The following CAMK1D variants were observed in gnomAD, a reference collection of about 807,000 sequenced individuals.
CAMK1D encodes calcium/calmodulin-dependent protein kinase type 1D.
A neutral mutation model predicts 47.7 loss-of-function variants in CAMK1D; 9 were observed. The ratio of observed to expected loss-of-function variants is 0.19; its 90% CI spans 0.11 to 0.33. CAMK1D has a LOEUF of 0.33. Among genes scored for constraint, CAMK1D ranks in the 10% least tolerant of loss-of-function variants. The pLI, the probability that CAMK1D is intolerant of heterozygous loss-of-function variation, is 1.00. For synonymous variants in CAMK1D, 184 were observed against 184.9 expected (o/e 0.99, Z 0.04); for missense variants, 291 against 488.7 (o/e 0.60, Z 3.81).
At chr10:12,462,220 C>T (rs1474107799) in intron 1 of CAMK1D, among the ~76,000 whole-genome samples, 5 of 124,332 alleles carry the variant, frequency 4.0e-5, no homozygotes, top group Non-Finnish European at 6.2e-5. Flanking sequence ...GGCTGGAGTG[C>T]GGTGGCGTGA....
intron 3 of CAMK1D, among the ~76,000 whole-genome samples, chr10:12,702,503 A>G (rs2399862): frequency 0.8 from 121,119 of 152,256 alleles, 53,985 homozygotes; most frequent in Non-Finnish European, 0.98. Flanking sequence ...TGAACAAACA[A>G]TGATGCAAAA....
At chr10:12,663,499 A>C (rs903911026) in intron 2 of CAMK1D, among the ~76,000 whole-genome samples, 1 of 152,166 alleles carries the variant, frequency 6.6e-6, no homozygotes, top group Non-Finnish European at 1.5e-5. Flanking sequence ...TGGTCCTAGG[A>C]GTCATTACTA....
chr10:12,801,090 A>G (rs1298009356), intron 6 of CAMK1D, among the ~76,000 whole-genome samples: 3 of 152,182 alleles, frequency 2.0e-5, no homozygotes, highest in African/African-American at 7.2e-5. Context: ...TCACTTCAGC[A>G]TCTTTCAGCT....
At chr10:12,446,441 T>A (rs1021575746) in intron 1 of CAMK1D, among the ~76,000 whole-genome samples, 15 of 152,152 alleles carry the variant, frequency 9.9e-5, no homozygotes, top group African/African-American at 3.1e-4. Flanking sequence ...CTCGTCGCCA[T>A]CTTGGTTTTG....
In CAMK1D at chr10:12,508,957, G is replaced by T. The variant is rs532901423; in HGVS notation, c.93-44268G>T. ...CCCCAAATCTTTTCTGCTTCCGTTT[G>T]TCCTGTTCATTGATGGAACCCCGCT... On this transcript the variant is annotated intron_variant, in intron 1 of 10. Transcript: ENST00000619168. Among the ~76,000 whole-genome samples the T allele has an allele frequency of 3.5e-3, 526 of 152,312 alleles. 3 individuals carry two copies. The highest frequency in any genetic ancestry group is 6.4e-3 in the Non-Finnish European group (433 of 68,032).
intron 9 of CAMK1D, 50 bp downstream of exon 9, chr10:12,824,602 C>A: frequency 7.1e-7 from 1 of 1,415,110 alleles, no homozygotes; most frequent in Non-Finnish European, 1.0e-6. Flanking sequence ...CCTCGTGACA[C>A]TGGCCCTCCA....
chr10:12,834,101 G>T lies in CAMK1D; in HGVS notation c.*5214G>T, dbSNP rs1833466195. On this transcript the variant is annotated 3_prime_UTR_variant, in exon 11 of 11. Transcript: ENST00000619168. The stretch of plus-strand genomic sequence containing the variant: ...GCTCAAACAGACTCCTAAAAGGAGG[G>T]TTTCTTTCCTGAAGACTCCAAGAAA... 1 of 152,178 alleles carries T rather than the reference G, an allele frequency of 6.6e-6. No individual in the cohort carries two copies. Among genetic ancestry groups the T allele is most frequent in the African/African-American group, 2.4e-5 (1 of 41,426 alleles). The allele number at this position is 152,178 out of a possible 1,614,324, so 9.4% of individuals were successfully genotyped here. A position where few individuals can be genotyped will look rare whatever the true frequency, so the allele number is the denominator to read the frequency against.
chr10:12,470,552 C>G (rs112957409), intron 1 of CAMK1D, among the ~76,000 whole-genome samples: 4,142 of 151,036 alleles, frequency 0.027, 90 homozygotes, highest in Non-Finnish European at 0.041. Flanking sequence ...GAGTCTCGCT[C>G]TGTCGCCCAG....
chr10:12,390,991 A>T (rs981356794), intron 1 of CAMK1D, among the ~76,000 whole-genome samples: 2 of 152,082 alleles, frequency 1.3e-5, no homozygotes, highest in Admixed American at 6.6e-5. Context: ...TCCAGCATTG[A>T]GTGAGTAGGA....
chr10:12,766,690 C>T (rs572114568), intron 4 of CAMK1D, among the ~76,000 whole-genome samples: 1 of 152,110 alleles, frequency 6.6e-6, no homozygotes, highest in Non-Finnish European at 1.5e-5. Flanking sequence ...TTTCTAGCTC[C>T]TGTATCACCC....
chr10:12,534,600 C>T (rs1835910798), intron 1 of CAMK1D, among the ~76,000 whole-genome samples: 1 of 152,164 alleles, frequency 6.6e-6, no homozygotes, highest in African/African-American at 2.4e-5. Context: ...CTCTTGACCT[C>T]AGTGATCTGC....
chr10:12,694,164 GCATAATATATATTATA>G (rs1833102822), intron 3 of CAMK1D, among the ~76,000 whole-genome samples: 1 of 14,606 alleles, frequency 6.8e-5, no homozygotes, highest in African/African-American at 3.0e-4. Flanking sequence ...TATATATTAT[GCATAATATATATTATA>G]TATAATATAA....
chr10:12,671,032 A>G (rs1412002940), intron 3 of CAMK1D, among the ~76,000 whole-genome samples: 1 of 152,214 alleles, frequency 6.6e-6, no homozygotes, highest in Non-Finnish European at 1.5e-5. Context: ...TAGACTTTTC[A>G]TATGAATGGA....
intron 2 of CAMK1D, among the ~76,000 whole-genome samples, chr10:12,623,143 C>T (rs1193189592): frequency 1.1e-4 from 2 of 17,508 alleles, no homozygotes; most frequent in Admixed American, 6.1e-4. Context: ...CTCCCTTCCT[C>T]CCTTCCTTCC....
chr10:12,611,454 C>A (rs772197238), intron 2 of CAMK1D, among the ~76,000 whole-genome samples: 6 of 152,110 alleles, frequency 3.9e-5, no homozygotes, highest in Admixed American at 1.3e-4. Context: ...AGGTCTGCTT[C>A]CAGGTGAGGA....
chr10:12,650,237 C>T (rs1417923818), intron 2 of CAMK1D, among the ~76,000 whole-genome samples: 1 of 152,222 alleles, frequency 6.6e-6, no homozygotes, highest in African/African-American at 2.4e-5. Flanking sequence ...CCTTTGCCTT[C>T]CTGTGCAGGG....
chr10:12,434,518 G>A (rs950189468), intron 1 of CAMK1D, among the ~76,000 whole-genome samples: 4 of 152,316 alleles, frequency 2.6e-5, no homozygotes, highest in South Asian at 2.1e-4. Context: ...GAGCCCAGCC[G>A]TTGTTTGTGC....
intron 1 of CAMK1D, among the ~76,000 whole-genome samples, chr10:12,430,667 C>T (rs1323122290): frequency 1.3e-5 from 2 of 152,070 alleles, no homozygotes; most frequent in Non-Finnish European, 2.9e-5. Context: ...ATCCACGTGC[C>T]GAGTATTGGA....
intron 2 of CAMK1D, among the ~76,000 whole-genome samples, chr10:12,611,246 G>T (rs1838610231): frequency 6.6e-6 from 1 of 152,130 alleles, no homozygotes; most frequent in Admixed American, 6.5e-5. Context: ...CAAAGTGCAG[G>T]CAACCCGGAA....
Sources: allele counts gnomAD v4.1 joint callset (sites outside exome capture counted in the v4.1 genomes callset), GRCh38; gene constraint gnomAD v4.1.1; transcripts MANE v1.5; gene names NCBI Gene and HGNC (gene_info 2026-07-23, HGNC 2026-07-21).